The following PLEKHG1 variants were observed in gnomAD, a reference collection of about 807,000 sequenced individuals.
PLEKHG1 encodes the protein pleckstrin homology domain-containing family G member 1.
Under a neutral mutation model 100.8 loss-of-function variants are expected in PLEKHG1, and 44 were observed. The observed-to-expected ratio is 0.44, with a 90% CI of 0.34 to 0.56. The LOEUF is 0.56. Ranked by LOEUF, PLEKHG1 falls within the 20% of genes least tolerant of loss-of-function variation. The probability of loss-of-function intolerance (pLI) is 0.01; values close to 1 mark genes in which losing one functional copy is unlikely to be tolerated. For synonymous variants in PLEKHG1, 640 were observed against 662.5 expected (o/e 0.97, Z 0.52); for missense variants, 1,545 against 1,720.9 (o/e 0.90, Z 1.81).
chr6:150,756,225 C>G (rs1207645089), intron 2 of PLEKHG1, among the ~76,000 whole-genome samples: 2 of 152,182 alleles, frequency 1.3e-5, no homozygotes, highest in Non-Finnish European at 2.9e-5. Context: ...CATCCCATCA[C>G]TTTGGCCCAC....
intron 6 of PLEKHG1, among the ~76,000 whole-genome samples, chr6:150,804,170 TATA>T (rs1786887574): frequency 8.1e-5 from 4 of 49,686 alleles, no homozygotes; most frequent in Admixed American, 3.1e-4. Flanking sequence ...TATATATATA[TATA>T]TATTTTTTTT....
chr6:150,682,794 T>A (rs1190554260), intron 3 of PLEKHG1, among the ~76,000 whole-genome samples: 2 of 152,096 alleles, frequency 1.3e-5, no homozygotes, highest in African/African-American at 2.4e-5. Flanking sequence ...CTGCCCAGTT[T>A]TCCCTTCCTA....
chr6:150,821,081 A>G lies in PLEKHG1; in HGVS notation c.1409-114A>G, dbSNP rs554013888. The G allele has an allele frequency of 3.8e-4, 294 of 779,374 alleles. 3 individuals carry two copies. The African/African-American group carries it at 4.2e-3, about 11-fold the overall frequency. The allele number at this position is 779,374 out of a possible 1,614,324, so 48.3% of individuals were successfully genotyped here. ...ATGGGGATTTTGTTAAATTTGATAC[A>G]AAAGTTATAGAGCTCTGTTAATCTG... On this transcript the variant is annotated intron_variant, in intron 12 of 15. Transcript: ENST00000358517.
chr6:150,641,876 C>CAAAAAAAAAAAAAAAAAAAA (rs71554473), intron 2 of PLEKHG1, among the ~76,000 whole-genome samples: 1 of 76,798 alleles, frequency 1.3e-5, no homozygotes, highest in Non-Finnish European at 2.2e-5. Flanking sequence ...TGTGAAAAGG[C>CAAAAAAAAAAAAAAAAAAAA]AAAAAAAAAA....
chr6:150,810,543 A>AAAGAAAGAAAGG (rs754046929), intron 10 of PLEKHG1, among the ~76,000 whole-genome samples: 17 of 146,912 alleles, frequency 1.2e-4, no homozygotes, highest in Middle Eastern at 3.7e-3. Context: ...AGAAAGGAAG[A>AAAGAAAGAAAGG]AAGGAAGGAA....
intron 7 of PLEKHG1, among the ~76,000 whole-genome samples, chr6:150,806,031 G>C (rs995384330): frequency 6.6e-6 from 1 of 152,106 alleles, no homozygotes; most frequent in South Asian, 2.1e-4. Context: ...TGTCCCTAGA[G>C]TGAGATGGAA....
Position 150,816,600 on chromosome 6 carries a change from A to G in PLEKHG1, c.1279-1583A>G, listed in dbSNP as rs190981712. Among the ~76,000 whole-genome samples the G allele has an allele frequency of 1.6e-3, 246 of 152,168 alleles. No individual in the cohort carries two copies. The South Asian group carries it at 0.023, about 15-fold the overall frequency. On this transcript the variant is annotated intron_variant, in intron 10 of 15. Coordinates refer to ENST00000358517, the Ensembl canonical transcript of PLEKHG1. Reference sequence around the variant, plus strand: ...CAGCCTCTCAAAGTGCTGAGATCATAGGCGTGAGATACCACGCCCGGCCTC... The same window carrying G: ...CAGCCTCTCAAAGTGCTGAGATCATGGGCGTGAGATACCACGCCCGGCCTC...
chr6:150,770,076 G>A (rs146535141), intron 3 of PLEKHG1, among the ~76,000 whole-genome samples: 116 of 152,270 alleles, frequency 7.6e-4, no homozygotes, highest in Admixed American at 1.1e-3. Flanking sequence ...TGAAGCTCCC[G>A]TGAACTGATA....
At chr6:150,841,538 G>GTAT (rs1036180364) in exon 16 of PLEKHG1, 1 of 153,094 alleles carries the variant, frequency 6.5e-6, no homozygotes, top group Non-Finnish European at 1.5e-5. Context: ...CCCTTTACCT[G>GTAT]TATTCCTGGA....
At chr6:150,769,600 A>AAG (rs1554270493) in intron 3 of PLEKHG1, among the ~76,000 whole-genome samples, 7 of 150,466 alleles carry the variant, frequency 4.7e-5, no homozygotes, top group Admixed American at 1.3e-4. Flanking sequence ...AAAAAAAAAA[A>AAG]AAAGAAAGAA....
intron 3 of PLEKHG1, among the ~76,000 whole-genome samples, chr6:150,706,693 T>A (rs1431513919): frequency 3.3e-5 from 5 of 151,884 alleles, no homozygotes; most frequent in African/African-American, 1.2e-4. Context: ...AATTAATTGC[T>A]TCTTCTATCT....
chr6:150,664,907 AT>A (rs1779338487), intron 3 of PLEKHG1, among the ~76,000 whole-genome samples: 1 of 152,136 alleles, frequency 6.6e-6, no homozygotes, highest in Admixed American at 6.5e-5. Flanking sequence ...TCTGCTTTCC[AT>A]TCCTTTGTCT....
At chr6:150,676,106 A>T (rs1779749615) in intron 3 of PLEKHG1, among the ~76,000 whole-genome samples, 1 of 152,234 alleles carries the variant, frequency 6.6e-6, no homozygotes, top group Non-Finnish European at 1.5e-5. Context: ...AGGAGGAGAA[A>T]ATTGAAAAGG....
At chr6:150,809,035 G>C in intron 7 of PLEKHG1, 70 bp from the exon 9 acceptor site, 1 of 1,364,132 alleles carries the variant, frequency 7.3e-7, no homozygotes, top group South Asian at 1.3e-5. Flanking sequence ...AGGCTCAACA[G>C]ATGGGCCACC....
intron 3 of PLEKHG1, among the ~76,000 whole-genome samples, chr6:150,687,794 GT>G (rs1340754595): frequency 6.6e-6 from 1 of 152,190 alleles, no homozygotes; most frequent in African/African-American, 2.4e-5. Context: ...GTAAACACGA[GT>G]GTTCTTGCAT....
At chr6:150,715,437 C>T (rs1193068841) in intron 3 of PLEKHG1, among the ~76,000 whole-genome samples, 1 of 151,768 alleles carries the variant, frequency 6.6e-6, no homozygotes, top group Non-Finnish European at 1.5e-5. Flanking sequence ...GGAAGTGTGA[C>T]ACCTTTTGGC....
chr6:150,838,165 C>G (rs1175314571), intron 15 of PLEKHG1, among the ~76,000 whole-genome samples: 1 of 152,148 alleles, frequency 6.6e-6, no homozygotes, highest in Non-Finnish European at 1.5e-5. Context: ...ACTGATAACA[C>G]ATCATTAAAA....
At chr6:150,828,464 A>G (rs1167364373) in intron 14 of PLEKHG1, 2 of 1,232,706 alleles carry the variant, frequency 1.6e-6, no homozygotes, top group African/African-American at 3.1e-5. Flanking sequence ...GCAAGAATGA[A>G]TCCTTGTGGT....
upstream of PLEKHG1, among the ~76,000 whole-genome samples, chr6:150,718,521 G>A (rs192780585): frequency 3.5e-3 from 509 of 147,476 alleles, 3 homozygotes; most frequent in African/African-American, 0.012. Context: ...CCAGACTGGA[G>A]TGCAGAGGCA....
Sources: allele counts gnomAD v4.1 joint callset (sites outside exome capture counted in the v4.1 genomes callset), GRCh38; gene constraint gnomAD v4.1.1; transcripts MANE v1.5; gene names NCBI Gene and HGNC (gene_info 2026-07-23, HGNC 2026-07-21).